PCBP3: variants seen among roughly 807,000 people sequenced by gnomAD.
PCBP3 encodes poly(rC)-binding protein 3.
PCBP3 carries 25 observed loss-of-function variants against 52.7 expected under a neutral mutation model. The observed-to-expected ratio is 0.47, with a 90% CI of 0.35 to 0.66. The LOEUF (loss-of-function observed/expected upper bound fraction) is 0.66. PCBP3 is among the 30% of genes least tolerant of loss of function. The pLI is 0.01. For synonymous variants in PCBP3, 162 were observed against 183.0 expected (o/e 0.89, Z 0.93); for missense variants, 391 against 490.3 (o/e 0.80, Z 1.91).
At chr21:45,666,020 C>T (rs2147171894) in intron 1 of PCBP3, among the ~76,000 whole-genome samples, 1 of 152,150 alleles carries the variant, frequency 6.6e-6, no homozygotes, top group Middle Eastern at 3.4e-3. Context: ...AAAACAAAAG[C>T]CATATGATTA....
At chr21:45,765,581 G>A (rs543745124) in intron 4 of PCBP3, among the ~76,000 whole-genome samples, 51 of 152,300 alleles carry the variant, frequency 3.3e-4, no homozygotes, top group Non-Finnish European at 5.9e-4. Context: ...TGAGGGCACC[G>A]AGGACAGTGC....
At chr21:45,801,127 G>A (rs972890799) in intron 4 of PCBP3, among the ~76,000 whole-genome samples, 1 of 152,234 alleles carries the variant, frequency 6.6e-6, no homozygotes, top group Non-Finnish European at 1.5e-5. Flanking sequence ...GCCACCTGCA[G>A]CACCCACAGC....
At chr21:45,672,201 A>G (rs1413267355) in intron 2 of PCBP3, among the ~76,000 whole-genome samples, 1 of 151,684 alleles carries the variant, frequency 6.6e-6, no homozygotes, top group Non-Finnish European at 1.5e-5. Flanking sequence ...GATGCCCTGC[A>G]CCACCTCAGG....
chr21:45,801,257 C>G (rs1273350640), intron 4 of PCBP3, among the ~76,000 whole-genome samples: 1 of 152,248 alleles, frequency 6.6e-6, no homozygotes. Flanking sequence ...ACCCTGGCTG[C>G]TAGCCTTGCC....
In PCBP3 at chr21:45,761,960, A is replaced by C. The variant is rs1308611051; in HGVS notation, c.-126+6508A>C. On this transcript the variant is annotated intron_variant, in intron 4 of 17. Coordinates refer to ENST00000681687, the MANE Select transcript of PCBP3 (RefSeq NM_001384156.1). ...TCTGTGCAACTCTTCCGTGGAATGCACTGTCATTCCTGACACAGGCTCGTG... is the reference window on the plus strand; with the variant it reads ...TCTGTGCAACTCTTCCGTGGAATGCCCTGTCATTCCTGACACAGGCTCGTG... The C allele has an allele frequency of 2.0e-5, 3 of 152,364 alleles. No individual in the cohort carries two copies. In the East Asian group the frequency reaches 5.8e-4, roughly 29 times the overall value. 9.4% of individuals were successfully genotyped at this position (152,364 alleles called of 1,614,324 possible).
intron 11 of PCBP3, 52 bp downstream of exon 11, chr21:45,911,082 C>T: frequency 6.3e-7 from 1 of 1,593,084 alleles, no homozygotes; most frequent in East Asian, 2.2e-5. Flanking sequence ...TTTGGCCTCC[C>T]AGCACTGCAG....
intron 4 of PCBP3, among the ~76,000 whole-genome samples, chr21:45,814,492 AGTGAGTG>A (rs1398110358): frequency 3.3e-4 from 10 of 30,356 alleles, no homozygotes; most frequent in African/African-American, 9.8e-4. Context: ...ATGAGTGGTG[AGTGAGTG>A]GTGAGTGGTG....
chr21:45,677,041 G>A (rs2081513775), intron 2 of PCBP3, among the ~76,000 whole-genome samples: 1 of 152,110 alleles, frequency 6.6e-6, no homozygotes, highest in Non-Finnish European at 1.5e-5. Flanking sequence ...CCAAAGTGCT[G>A]CGTTAGCCAC....
intron 5 of PCBP3, among the ~76,000 whole-genome samples, chr21:45,860,113 G>T (rs2839022): frequency 6.6e-6 from 1 of 152,030 alleles, no homozygotes; most frequent in Non-Finnish European, 1.5e-5. Context: ...GTGGGTAACC[G>T]AAGGCTCCAG....
Position 45,800,214 on chromosome 21 carries a change from G to A in PCBP3, c.-126+44762G>A, listed in dbSNP as rs1425374632. On this transcript the variant is annotated intron_variant, in intron 4 of 17. Transcript: ENST00000681687. The surrounding 1 kb of genome is among the most constrained non-coding windows in gnomAD (Gnocchi z 5.3). ...GGGGCCAGGCAGCAGTTCCTCTCTT[G>A]CAGCTTTTTCTTGGGAGCACCGGGC... Among the ~76,000 whole-genome samples, 2 of 152,156 alleles carry A rather than the reference G, an allele frequency of 1.3e-5. No homozygotes were observed. The highest frequency in any genetic ancestry group is 4.8e-5 in the African/African-American group (2 of 41,438).
At chr21:45,926,678 G>A (rs541695952) in intron 13 of PCBP3, among the ~76,000 whole-genome samples, 11 of 152,322 alleles carry the variant, frequency 7.2e-5, no homozygotes, top group Admixed American at 3.3e-4. Flanking sequence ...GGTCAACCAC[G>A]TGGGGAAATT....
At chr21:45,645,933 G>C (rs985695895) in intron 1 of PCBP3, among the ~76,000 whole-genome samples, 4 of 152,146 alleles carry the variant, frequency 2.6e-5, no homozygotes, top group Non-Finnish European at 4.4e-5. Context: ...TTAAACATTA[G>C]AATAAATGCT....
chr21:45,849,929 C>A, intron 4 of PCBP3, 32 bp from the exon 5 acceptor site: 1 of 696,164 alleles, frequency 1.4e-6, no homozygotes, highest in Non-Finnish European at 2.6e-6. Context: ...TGCACTGGTG[C>A]GCTCACACAG....
chr21:45,884,366 C>T (rs992964603), intron 5 of PCBP3, among the ~76,000 whole-genome samples: 3 of 151,878 alleles, frequency 2.0e-5, no homozygotes, highest in Non-Finnish European at 4.4e-5. Context: ...ATCTGTATGG[C>T]TTTCTTTTTT....
At chr21:45,683,806 G>T (rs2081993385) in intron 2 of PCBP3, among the ~76,000 whole-genome samples, 1 of 151,968 alleles carries the variant, frequency 6.6e-6, no homozygotes, top group South Asian at 2.1e-4. Flanking sequence ...GGCGCCTGTA[G>T]TTCCAGCTAC....
intron 4 of PCBP3, among the ~76,000 whole-genome samples, chr21:45,794,714 G>A (rs2091825357): frequency 6.6e-6 from 1 of 152,224 alleles, no homozygotes; most frequent in Non-Finnish European, 1.5e-5. Context: ...CGGATCACAA[G>A]GTTAGGAGTT....
chr21:45,891,036 A>G (rs1312944050), intron 5 of PCBP3, among the ~76,000 whole-genome samples: 1 of 151,880 alleles, frequency 6.6e-6, no homozygotes, highest in Non-Finnish European at 1.5e-5. Context: ...GGGAATGTAG[A>G]TAATAGAACC....
intron 2 of PCBP3, among the ~76,000 whole-genome samples, chr21:45,684,994 C>T (rs551810692): frequency 1.8e-4 from 27 of 152,320 alleles, no homozygotes; most frequent in African/African-American, 6.0e-4. Context: ...CTACAGAAAA[C>T]CATCAATGTA....
At chr21:45,728,538 A>G (rs1462633466) in intron 2 of PCBP3, 2 of 152,082 alleles carry the variant, frequency 1.3e-5, no homozygotes, top group African/African-American at 4.8e-5. Flanking sequence ...GTCTTTTCTT[A>G]TGTGTATTTT....
Sources: gnomAD v4.1 joint callset for allele counts (sites outside exome capture counted in the v4.1 genomes callset) on GRCh38, gnomAD v4.1.1 for gene constraint, Gnocchi (gnomAD v3.1) non-coding constraint, MANE v1.5 for transcripts, NCBI Gene and HGNC (gene_info 2026-07-23, HGNC 2026-07-21) for gene names.